RBFOX1: variants seen among roughly 807,000 people sequenced by gnomAD.
RBFOX1 encodes the protein RNA binding fox-1 homolog 1.
Under a neutral mutation model 57.7 loss-of-function variants are expected in RBFOX1, and 8 were observed. The ratio of observed to expected loss-of-function variants is 0.14; its 90% CI spans 0.08 to 0.25. RBFOX1 has a LOEUF of 0.25. Among genes scored for constraint, RBFOX1 ranks in the 10% least tolerant of loss-of-function variants. The pLI, the probability that RBFOX1 is intolerant of heterozygous loss-of-function variation, is 1.00. For missense variants in RBFOX1, 611 were observed against 548.5 expected (o/e 1.11, Z -1.14); for synonymous variants, 326 against 222.4 (o/e 1.47, Z -4.15).
At chr16:6,651,213 A>T (rs1031323836) in intron 2 of RBFOX1, among the ~76,000 whole-genome samples, 1 of 151,950 alleles carries the variant, frequency 6.6e-6, no homozygotes, top group Non-Finnish European at 1.5e-5. Flanking sequence ...GGAACCCCTA[A>T]TGTTTGTAAC....
chr16:6,481,049 A>C (rs541171321), intron 2 of RBFOX1, among the ~76,000 whole-genome samples: 27 of 152,314 alleles, frequency 1.8e-4, no homozygotes, highest in African/African-American at 6.3e-4. Flanking sequence ...CAGACATTAG[A>C]AGTAGAGCTG....
chr16:6,395,802 C>T (rs937453502), intron 2 of RBFOX1, among the ~76,000 whole-genome samples: 18 of 152,028 alleles, frequency 1.2e-4, no homozygotes, highest in Non-Finnish European at 1.9e-4. Flanking sequence ...CAGTAGCTCA[C>T]GCTTGTAATC....
chr16:5,608,176 C>T (rs9921862), intron 3 of RBFOX1, among the ~76,000 whole-genome samples: 27,563 of 152,136 alleles, frequency 0.18, 2,792 homozygotes, highest in South Asian at 0.23. Flanking sequence ...TGAGCGCATA[C>T]CTTGTGAATT....
chr16:6,642,834 T>C (rs978017307), intron 2 of RBFOX1, among the ~76,000 whole-genome samples: 1 of 152,160 alleles, frequency 6.6e-6, no homozygotes, highest in Non-Finnish European at 1.5e-5. Context: ...TCCAAATGTT[T>C]ATAAAGTCAG....
chr16:7,206,498 CACAT>C (rs2090004268), intron 4 of RBFOX1, among the ~76,000 whole-genome samples: 1 of 151,418 alleles, frequency 6.6e-6, no homozygotes, highest in East Asian at 1.9e-4. Flanking sequence ...CACACACACA[CACAT>C]ATATTTTAGA....
chr16:6,168,433 C>T (rs531878868), intron 1 of RBFOX1, among the ~76,000 whole-genome samples: 8 of 152,148 alleles, frequency 5.3e-5, no homozygotes, highest in Non-Finnish European at 1.0e-4. Flanking sequence ...TACAGTCAGG[C>T]TCCCAAAGAT....
intron 3 of RBFOX1, among the ~76,000 whole-genome samples, chr16:6,910,740 A>T (rs777819536): frequency 2.4e-4 from 36 of 152,196 alleles, no homozygotes; most frequent in Non-Finnish European, 1.8e-4. Flanking sequence ...AGTAGCGGAG[A>T]GGAGGCCTGG....
intron 2 of RBFOX1, among the ~76,000 whole-genome samples, chr16:6,552,367 G>A (rs1051104659): frequency 1.3e-5 from 2 of 152,162 alleles, no homozygotes; most frequent in Non-Finnish European, 2.9e-5. Context: ...GGGTGAAATT[G>A]CTGTGACTCC....
chr16:7,586,974 G>C (rs892741599), intron 6 of RBFOX1, among the ~76,000 whole-genome samples: 7 of 152,112 alleles, frequency 4.6e-5, no homozygotes, highest in Non-Finnish European at 1.0e-4. Context: ...TCAGTGCCTG[G>C]GAAAGCAGAC....
chr16:6,064,449 G>C (rs894646006), intron 1 of RBFOX1, among the ~76,000 whole-genome samples: 12 of 152,128 alleles, frequency 7.9e-5, no homozygotes, highest in African/African-American at 2.9e-4. Flanking sequence ...GGGGATACTT[G>C]ATTAAGTAGT....
chr16:6,833,308 G>A (rs1026152333), intron 3 of RBFOX1, among the ~76,000 whole-genome samples: 12 of 151,888 alleles, frequency 7.9e-5, no homozygotes, highest in Non-Finnish European at 1.5e-4. Context: ...TGCGACTATA[G>A]GCTCCCAACA....
chr16:5,928,507 C>A (rs940128096), intron 4 of RBFOX1, among the ~76,000 whole-genome samples: 2 of 151,702 alleles, frequency 1.3e-5, no homozygotes, highest in Admixed American at 6.6e-5. Flanking sequence ...CATGTTGTAC[C>A]CCATAAACAT....
At chr16:6,599,141 A>G (rs986560588) in intron 2 of RBFOX1, among the ~76,000 whole-genome samples, 1 of 152,196 alleles carries the variant, frequency 6.6e-6, no homozygotes, top group Non-Finnish European at 1.5e-5. Flanking sequence ...GGCGTTATCC[A>G]TGTACTTGTA....
chr16:6,970,543 T>A (rs998575109), intron 3 of RBFOX1, among the ~76,000 whole-genome samples: 3 of 152,158 alleles, frequency 2.0e-5, no homozygotes, highest in African/African-American at 7.2e-5. Flanking sequence ...CGGTGAGGGC[T>A]GAGTCTCTGC....
At chr16:7,115,937 G>A (rs1039669717) in intron 4 of RBFOX1, among the ~76,000 whole-genome samples, 1 of 152,190 alleles carries the variant, frequency 6.6e-6, no homozygotes, top group Non-Finnish European at 1.5e-5. Flanking sequence ...CTTATTGGGG[G>A]CTTCATATTG....
chr16:5,814,390 C>G (rs1312310299), intron 3 of RBFOX1, among the ~76,000 whole-genome samples: 1 of 152,180 alleles, frequency 6.6e-6, no homozygotes, highest in East Asian at 1.9e-4. Context: ...CCAAGCTTCA[C>G]CAACTTTTTC....
At chr16:7,034,726 C>T (rs1000246632) in intron 3 of RBFOX1, among the ~76,000 whole-genome samples, 1 of 151,340 alleles carries the variant, frequency 6.6e-6, no homozygotes, top group Admixed American at 6.6e-5. Flanking sequence ...ATCAGTGCCC[C>T]TGTAGATTTA....
chr16:5,849,725 C>T (rs947774013), intron 3 of RBFOX1, among the ~76,000 whole-genome samples: 2 of 152,152 alleles, frequency 1.3e-5, no homozygotes, highest in Non-Finnish European at 2.9e-5. Flanking sequence ...TTATTAGCAT[C>T]TCGCCGATGC....
At chr16:7,225,346 C>G (rs980785020) in intron 4 of RBFOX1, among the ~76,000 whole-genome samples, 1 of 152,174 alleles carries the variant, frequency 6.6e-6, no homozygotes, top group African/African-American at 2.4e-5. Context: ...CCATACTGTC[C>G]TCATGGTAGT....
Sources: gnomAD v4.1 joint callset for allele counts (sites outside exome capture counted in the v4.1 genomes callset) on GRCh38, gnomAD v4.1.1 for gene constraint, MANE v1.5 for transcripts, NCBI Gene and HGNC (gene_info 2026-07-23, HGNC 2026-07-21) for gene names.